LARGE1: variants seen among roughly 807,000 people sequenced by gnomAD.
LARGE1 encodes the protein LARGE xylosyl- and glucuronyltransferase 1, also known as xylosyl- and glucuronyltransferase LARGE1.
In LARGE1, 43 loss-of-function variants were observed where a neutral mutation model predicts 87.6. The observed-to-expected ratio is 0.49, with a 90% CI of 0.38 to 0.63. The LOEUF is 0.63. LARGE1 is among the 30% of genes least tolerant of loss of function. The probability of loss-of-function intolerance (pLI) is 0.00; values close to 1 mark genes in which losing one functional copy is unlikely to be tolerated. For missense variants in LARGE1, 802 were observed against 1,000.2 expected (o/e 0.80, Z 2.67); for synonymous variants, 434 against 394.6 (o/e 1.10, Z -1.18).
In LARGE1 at chr22:33,347,460, G is replaced by C. The variant is rs182435875; in HGVS notation, c.1132-9659C>G. Among the ~76,000 whole-genome samples, 399 of 152,324 alleles carry C rather than the reference G, an allele frequency of 2.6e-3. 5 individuals carry two copies. The highest frequency in any genetic ancestry group is 9.2e-3 in the African/African-American group (383 of 41,568). On this transcript the variant is annotated intron_variant, in intron 9 of 14. Coordinates refer to ENST00000397394, the MANE Select transcript of LARGE1 (RefSeq NM_133642.5). ...CATTTTGTCTGTCTACAGTAAATCA[G>C]TGATAAAAGCTCTACTAATGTGGGA...
intron 1 of LARGE1, among the ~76,000 whole-genome samples, chr22:33,835,901 C>G (rs756512713): frequency 3.3e-5 from 5 of 152,222 alleles, no homozygotes; most frequent in Non-Finnish European, 7.3e-5. Context: ...AGCAATCACT[C>G]CATTCCTCTT....
At chr22:33,602,503 A>G (rs1414974033) in intron 5 of LARGE1, among the ~76,000 whole-genome samples, 1 of 151,984 alleles carries the variant, frequency 6.6e-6, no homozygotes, top group Non-Finnish European at 1.5e-5. Context: ...CAGCCTCCAG[A>G]GTAGCTGGGA....
chr22:33,178,020 C>A (rs949059423), intron 11 of LARGE1, among the ~76,000 whole-genome samples: 45 of 152,096 alleles, frequency 3.0e-4, no homozygotes, highest in Admixed American at 2.8e-3. Flanking sequence ...GCCATGATTG[C>A]GAGATTCCTG....
intron 6 of LARGE1, among the ~76,000 whole-genome samples, chr22:33,478,841 T>C (rs1454466716): frequency 2.0e-5 from 3 of 152,172 alleles, no homozygotes; most frequent in Non-Finnish European, 2.9e-5. Context: ...CACTTAAAGA[T>C]GTGAGAGGGC....
At chr22:33,864,843 T>C (rs1338954996) in intron 1 of LARGE1, among the ~76,000 whole-genome samples, 2 of 152,218 alleles carry the variant, frequency 1.3e-5, no homozygotes, top group African/African-American at 2.4e-5. Context: ...GGTTTCACAA[T>C]CACTGCCTAT....
At chr22:33,606,216 T>C (rs2079255891) in intron 4 of LARGE1, among the ~76,000 whole-genome samples, 1 of 151,848 alleles carries the variant, frequency 6.6e-6, no homozygotes, top group Middle Eastern at 3.2e-3. Context: ...CCATCCTGGG[T>C]AACACAGTGA....
At chr22:33,406,341 A>G (rs959429840) in intron 7 of LARGE1, among the ~76,000 whole-genome samples, 2 of 151,760 alleles carry the variant, frequency 1.3e-5, no homozygotes, top group African/African-American at 2.4e-5. Context: ...ATCCCTTGAG[A>G]TCCGACCCAC....
intron 7 of LARGE1, among the ~76,000 whole-genome samples, chr22:33,398,793 G>A (rs1439621250): frequency 6.6e-6 from 1 of 152,110 alleles, no homozygotes; most frequent in Non-Finnish European, 1.5e-5. Flanking sequence ...GACACAAAGG[G>A]AAGAGGGCCG....
At chr22:33,597,310 T>C (rs975392530) in intron 5 of LARGE1, among the ~76,000 whole-genome samples, 2 of 150,790 alleles carry the variant, frequency 1.3e-5, no homozygotes, top group African/African-American at 4.9e-5. Context: ...TTGTAAGTAT[T>C]AAGCCTTCTT....
At chr22:33,299,246 A>G (rs532598089) in intron 12 of LARGE1, among the ~76,000 whole-genome samples, 3 of 151,910 alleles carry the variant, frequency 2.0e-5, no homozygotes, top group Admixed American at 1.3e-4. Flanking sequence ...TTAAAGAGAG[A>G]AAATGAGAAA....
chr22:33,794,589 A>G (rs898753706), intron 1 of LARGE1, among the ~76,000 whole-genome samples: 1 of 152,124 alleles, frequency 6.6e-6, no homozygotes, highest in Non-Finnish European at 1.5e-5. Flanking sequence ...TCCATCCAGA[A>G]ACCACAGACT....
chr22:33,195,040 C>T (rs913206820), intron 11 of LARGE1, among the ~76,000 whole-genome samples: 1 of 152,124 alleles, frequency 6.6e-6, no homozygotes, highest in African/African-American at 2.4e-5. Context: ...AATTAACCAA[C>T]TATTTATTTT....
At chr22:33,719,531 A>ATTTATTTTTTTT (rs1202304747) in intron 2 of LARGE1, among the ~76,000 whole-genome samples, 22 of 149,712 alleles carry the variant, frequency 1.5e-4, no homozygotes, top group African/African-American at 5.2e-4. Context: ...TTATTTATTT[A>ATTTATTTTTTTT]TTTTTTTGAG....
At chr22:33,822,787 C>A (rs754788787) in intron 1 of LARGE1, among the ~76,000 whole-genome samples, 6 of 152,214 alleles carry the variant, frequency 3.9e-5, no homozygotes, top group Non-Finnish European at 7.3e-5. Flanking sequence ...CAGAAATCCT[C>A]TGGTTTCTAT....
intron 2 of LARGE1, among the ~76,000 whole-genome samples, chr22:33,686,252 T>C (rs578126188): frequency 7.9e-5 from 12 of 151,900 alleles, no homozygotes; most frequent in South Asian, 4.2e-4. Context: ...GAGCTTAGGA[T>C]TGTTTCTGTC....
chr22:33,485,395 G>A (rs915023822), intron 6 of LARGE1, among the ~76,000 whole-genome samples: 4 of 151,784 alleles, frequency 2.6e-5, no homozygotes, highest in African/African-American at 9.7e-5. Flanking sequence ...TGTATTTTTA[G>A]TAGAGACCGG....
intron 2 of LARGE1, among the ~76,000 whole-genome samples, chr22:33,755,393 C>T (rs1484288272): frequency 3.9e-5 from 6 of 152,090 alleles, no homozygotes; most frequent in African/African-American, 9.7e-5. Context: ...ACCTTTGCAC[C>T]GAGCTGGTTA....
At chr22:33,640,282 G>C (rs909499896) in intron 3 of LARGE1, among the ~76,000 whole-genome samples, 1 of 152,222 alleles carries the variant, frequency 6.6e-6, no homozygotes, top group Non-Finnish European at 1.5e-5. Flanking sequence ...CTTGTGGAGA[G>C]TGTGCTTTGA....
chr22:33,872,131 C>T (rs1462453155), intron 1 of LARGE1, among the ~76,000 whole-genome samples: 2 of 152,060 alleles, frequency 1.3e-5, no homozygotes, highest in South Asian at 2.1e-4. Context: ...GCCAGTCACT[C>T]GCCCACCCAC....
Sources: allele counts gnomAD v4.1 joint callset (sites outside exome capture counted in the v4.1 genomes callset), GRCh38; gene constraint gnomAD v4.1.1; transcripts MANE v1.5; gene names NCBI Gene and HGNC (gene_info 2026-07-23, HGNC 2026-07-21).